The following NTN4 variants were observed in gnomAD, a reference collection of about 807,000 sequenced individuals.
NTN4 encodes netrin 4.
NTN4 carries 32 observed loss-of-function variants against 73.6 expected under a neutral mutation model. That is an observed-to-expected ratio of 0.44 (90% CI 0.33 to 0.58). The LOEUF (loss-of-function observed/expected upper bound fraction) is 0.58. NTN4 is among the 20% of genes least tolerant of loss of function. The pLI is 0.04. For synonymous variants in NTN4, 258 were observed against 287.5 expected, an observed-to-expected ratio of 0.90 and a Z score of 1.04; for missense variants, 654 against 798.3, an observed-to-expected ratio of 0.82 and a Z score of 2.18.
At position 95,759,489 on chromosome 12, in the gene NTN4, TTG is replaced by T. The variant is rs1351476299; in HGVS notation, c.586-21347_586-21346del. ...CTACTGTCAGTCCCTAGTAGTATTT[TTG>T]TTTTTTTTTTTTTTTGAGATGGGGT... On this transcript the variant is annotated intron_variant, in intron 2 of 9. Transcript: ENST00000343702. Among the ~76,000 whole-genome samples, 7 of 135,048 alleles carry T rather than the reference TTG, an allele frequency of 5.2e-5. 1 individual carries two copies. The highest frequency in any genetic ancestry group is 6.9e-5 in the Admixed American group (1 of 14,404). 88.6% of individuals were successfully genotyped at this position (135,048 alleles called of 152,430 possible).
At position 95,713,284 on chromosome 12, in the gene NTN4, A is replaced by G; in HGVS notation, c.919T>C (p.Cys307Arg). The G allele has an allele frequency of 6.2e-7, 1 of 1,612,960 alleles. No homozygotes were observed. The highest frequency in any genetic ancestry group is 8.5e-7 in the Non-Finnish European group (1 of 1,179,056). The change falls in exon 4 of 10, where the codon TGT becomes CGT. Residue 307 changes from cysteine (C) to arginine (R), a missense_variant. Transcript: ENST00000343702. ...GGCCGGTCATTGTATAACGGGGCAC[A>G]GTGCTGGCAGTGGCTGCCTGCTGTG... ...HNTAGSHCQH[C>R]APLYNDRPWE... is the part of the protein sequence containing the mutation.
chr12:95,732,202 G>A (rs2078742223), intron 3 of NTN4, among the ~76,000 whole-genome samples: 1 of 151,522 alleles, frequency 6.6e-6, no homozygotes, highest in Non-Finnish European at 1.5e-5. Context: ...AGATTGAAGA[G>A]CTTTCTTTTC....
chr12:95,674,923 A>G (rs965079198), intron 7 of NTN4, among the ~76,000 whole-genome samples: 9 of 152,228 alleles, frequency 5.9e-5, no homozygotes, highest in Non-Finnish European at 1.0e-4. Flanking sequence ...AATGCTGCCA[A>G]CTCTCTAATA....
intron 5 of NTN4, among the ~76,000 whole-genome samples, chr12:95,699,909 C>T (rs1259782639): frequency 6.6e-6 from 1 of 151,964 alleles, no homozygotes; most frequent in Non-Finnish European, 1.5e-5. Context: ...TCTGATTTTC[C>T]TTTTAATATG....
At chr12:95,763,757 T>C (rs2079003594) in intron 2 of NTN4, among the ~76,000 whole-genome samples, 1 of 152,248 alleles carries the variant, frequency 6.6e-6, no homozygotes. Context: ...ATTTCAAAGA[T>C]TTTTCCATAA....
chr12:95,775,775 A>C (rs1233568247), intron 2 of NTN4, among the ~76,000 whole-genome samples: 1 of 152,266 alleles, frequency 6.6e-6, no homozygotes, highest in Non-Finnish European at 1.5e-5. Flanking sequence ...GCCGAATAAA[A>C]GGCAGCAGAA....
intron 5 of NTN4, among the ~76,000 whole-genome samples, chr12:95,709,210 T>C (rs1437727156): frequency 6.6e-6 from 1 of 152,226 alleles, no homozygotes; most frequent in African/African-American, 2.4e-5. Context: ...TTTCCCATTG[T>C]AGTGCTTTCT....
chr12:95,729,632 AGTGTGTGTGTGTGT>A lies in NTN4; in HGVS notation c.864+8220_864+8233del, dbSNP rs758891542. 1.1e-3 allele frequency among the ~76,000 whole-genome samples: 139 copies of A among 124,160 alleles called. 1 individual carries two copies. The highest frequency in any genetic ancestry group is 3.1e-3 in the African/African-American group (109 of 34,850). The allele number at this position is 124,160 out of a possible 152,430, so 81.5% of individuals were successfully genotyped here. On this transcript the variant is annotated intron_variant, in intron 3 of 9. Transcript: ENST00000343702. Reference sequence around the variant, plus strand: ...ATTATAAAGAGAGAGAGAGAGAGAGAGTGTGTGTGTGTGTGTGTGTGTGTGTGTGTGTGTGTGTG... The same window carrying A: ...ATTATAAAGAGAGAGAGAGAGAGAGAGTGTGTGTGTGTGTGTGTGTGTGTG...
At chr12:95,756,497 C>G (rs2121232532) in intron 2 of NTN4, among the ~76,000 whole-genome samples, 1 of 152,228 alleles carries the variant, frequency 6.6e-6, no homozygotes, top group South Asian at 2.1e-4. Flanking sequence ...GGGACTGAGT[C>G]CTCCTGGGGA....
intron 3 of NTN4, among the ~76,000 whole-genome samples, chr12:95,717,549 A>G (rs2078615624): frequency 6.6e-6 from 1 of 152,082 alleles, no homozygotes; most frequent in Admixed American, 6.6e-5. Context: ...CATTACCTAG[A>G]CAATTTGAAA....
intron 2 of NTN4, among the ~76,000 whole-genome samples, chr12:95,759,706 C>A (rs1403577845): frequency 6.6e-6 from 1 of 152,110 alleles, no homozygotes; most frequent in African/African-American, 2.4e-5. Flanking sequence ...AAGTGATCCA[C>A]CTGCCTCAGT....
At chr12:95,744,833 C>CAT (rs2078849902) in intron 2 of NTN4, among the ~76,000 whole-genome samples, 1 of 118,260 alleles carries the variant, frequency 8.5e-6, no homozygotes, top group Non-Finnish European at 1.8e-5. Flanking sequence ...TGGTGAAAAA[C>CAT]TTTTTTTTTT....
At chr12:95,668,071 G>C (rs1014772253) in intron 8 of NTN4, among the ~76,000 whole-genome samples, 41 of 151,672 alleles carry the variant, frequency 2.7e-4, no homozygotes, top group African/African-American at 9.9e-4. Flanking sequence ...AGCTAAAAGA[G>C]AGCAGGGACC....
At chr12:95,691,115 G>A (rs1034237656) in intron 5 of NTN4, among the ~76,000 whole-genome samples, 25 of 152,222 alleles carry the variant, frequency 1.6e-4, no homozygotes, top group African/African-American at 5.5e-4. Context: ...GACTCACACC[G>A]AGGTCTGCCT....
At chr12:95,747,707 A>G (rs892116016) in intron 2 of NTN4, among the ~76,000 whole-genome samples, 3 of 152,178 alleles carry the variant, frequency 2.0e-5, no homozygotes, top group Non-Finnish European at 4.4e-5. Context: ...ATGTTACTGA[A>G]TGAGTGAATC....
chr12:95,757,744 T>TTATCAC (rs58331492), intron 2 of NTN4, among the ~76,000 whole-genome samples: 12 of 146,018 alleles, frequency 8.2e-5, no homozygotes, highest in Non-Finnish European at 1.5e-4. Flanking sequence ...TTCATTATCA[T>TTATCAC]AGAAGCCCAA....
chr12:95,726,987 T>G (rs1003959471), intron 3 of NTN4, among the ~76,000 whole-genome samples: 19 of 152,202 alleles, frequency 1.2e-4, no homozygotes, highest in African/African-American at 4.6e-4. Flanking sequence ...AAAAATTTTT[T>G]TGGGGAAAAT....
At chr12:95,697,061 A>G (rs1212125005) in intron 5 of NTN4, among the ~76,000 whole-genome samples, 1 of 152,028 alleles carries the variant, frequency 6.6e-6, no homozygotes, top group Non-Finnish European at 1.5e-5. Flanking sequence ...TGTAGTCCCA[A>G]CTACTCGAGA....
rs756316931 is a variant in NTN4, at chr12:95,682,735, C to A, written c.1482G>T (p.Ala494=). ...KSEPAWEWED[A]QGFSALLHSG... ...AGTGTAGAAGTGCAGAAAACCCCTG[C>A]GCATCCTCCCACTCCCAGGCTGGTT... Residue 494 remains alanine (A), a synonymous_variant, in exon 7 of 10, where the codon GCG becomes GCT. Coordinates refer to ENST00000343702, the MANE Select transcript of NTN4 (RefSeq NM_021229.4). 6.2e-7 allele frequency: 1 copy of A among 1,613,262 alleles called. No homozygotes were observed. The highest frequency in any genetic ancestry group is 8.5e-7 in the Non-Finnish European group (1 of 1,179,396).
Sources: gnomAD v4.1 joint callset for allele counts (sites outside exome capture counted in the v4.1 genomes callset) on GRCh38, gnomAD v4.1.1 for gene constraint, MANE v1.5 for transcripts, NCBI Gene and HGNC (gene_info 2026-07-23, HGNC 2026-07-21) for gene names.